The following PPARGC1A variants were observed in gnomAD, a reference collection of about 807,000 sequenced individuals.
PPARGC1A encodes the protein PPARG coactivator 1 alpha.
Under a neutral mutation model 88.7 loss-of-function variants are expected in PPARGC1A, and 25 were observed. The observed-to-expected ratio is 0.28, with a 90% CI of 0.21 to 0.39. The LOEUF is 0.39. Ranked by LOEUF, PPARGC1A falls within the 10% of genes least tolerant of loss-of-function variation. The pLI is 1.00. For missense variants in PPARGC1A, 880 were observed against 968.7 expected, an observed-to-expected ratio of 0.91 and a Z score of 1.22; for synonymous variants, 363 against 355.6, an observed-to-expected ratio of 1.02 and a Z score of -0.24.
At chr4:24,119,433 G>A in the PPARGC1A span, among the ~76,000 whole-genome samples, 43 of 152,254 alleles carry the variant, frequency 2.8e-4, no homozygotes, top group African/African-American at 9.6e-4. Flanking sequence ...ACTGAAGTGG[G>A]AGAAAGATAA....
chr4:23,938,679 T>C, the PPARGC1A span, among the ~76,000 whole-genome samples: 2 of 152,192 alleles, frequency 1.3e-5, no homozygotes, highest in African/African-American at 4.8e-5. Context: ...GGTAGCACCA[T>C]AGTCCCTTTC....
chr4:24,100,892 A>G, the PPARGC1A span, among the ~76,000 whole-genome samples: 2 of 152,196 alleles, frequency 1.3e-5, no homozygotes, highest in Non-Finnish European at 2.9e-5. Flanking sequence ...AACAGCCATA[A>G]TTTTTTAAGG....
chr4:24,127,369 T>C, the PPARGC1A span, among the ~76,000 whole-genome samples: 1 of 152,042 alleles, frequency 6.6e-6, no homozygotes, highest in Non-Finnish European at 1.5e-5. Context: ...CCATAAGCCA[T>C]AGTATCAAGT....
chr4:24,333,798 G>T, the PPARGC1A span, among the ~76,000 whole-genome samples: 1 of 151,854 alleles, frequency 6.6e-6, no homozygotes, highest in African/African-American at 2.4e-5. Context: ...GCCAGGTGTA[G>T]TGGCGGGTGC....
chr4:24,019,013 CAATAG>C, the PPARGC1A span, among the ~76,000 whole-genome samples: 1 of 152,096 alleles, frequency 6.6e-6, no homozygotes, highest in Non-Finnish European at 1.5e-5. Flanking sequence ...TTTGAACAAA[CAATAG>C]AATGATACTA....
At chr4:24,133,520 G>A in the PPARGC1A span, among the ~76,000 whole-genome samples, 47 of 152,250 alleles carry the variant, frequency 3.1e-4, no homozygotes, top group Admixed American at 1.8e-3. Flanking sequence ...ATTTTGTTTC[G>A]TTATCACGTC....
At chr4:24,013,545 A>G in the PPARGC1A span, among the ~76,000 whole-genome samples, 1 of 151,916 alleles carries the variant, frequency 6.6e-6, no homozygotes, top group Admixed American at 6.6e-5. Context: ...GGCATGGTTT[A>G]TCTTCCTAGA....
chr4:23,813,188 C>A, intron 8 of PPARGC1A, 63 bp from the exon 9 acceptor site: 1 of 1,333,476 alleles, frequency 7.5e-7, no homozygotes, highest in Non-Finnish European at 1.1e-6. Context: ...AGTTTATCGG[C>A]ACTGTGGAGC....
At chr4:23,971,118 GC>G in the PPARGC1A span, among the ~76,000 whole-genome samples, 1 of 152,182 alleles carries the variant, frequency 6.6e-6, no homozygotes, top group Non-Finnish European at 1.5e-5. Context: ...ATTAATTATT[GC>G]CCAAGTGGCT....
the PPARGC1A span, among the ~76,000 whole-genome samples, chr4:24,436,780 G>A: frequency 6.9e-4 from 61 of 88,766 alleles, no homozygotes; most frequent in African/African-American, 1.8e-3. Context: ...CCCAGAGCCC[G>A]GGTCACAGAG....
At chr4:24,236,924 T>C in the PPARGC1A span, among the ~76,000 whole-genome samples, 1 of 152,180 alleles carries the variant, frequency 6.6e-6, no homozygotes, top group East Asian at 1.9e-4. Context: ...AATAAGAAAT[T>C]AACATGCGCA....
the PPARGC1A span, among the ~76,000 whole-genome samples, chr4:23,999,687 A>C: frequency 6.6e-6 from 1 of 152,186 alleles, no homozygotes; most frequent in Non-Finnish European, 1.5e-5. Context: ...TGAATGTCAA[A>C]ATGGGAATTG....
At chr4:24,058,219 CAG>C in the PPARGC1A span, among the ~76,000 whole-genome samples, 2 of 152,170 alleles carry the variant, frequency 1.3e-5, no homozygotes, top group Non-Finnish European at 2.9e-5. Flanking sequence ...TCTAGGAAGG[CAG>C]GGGAGGTGAG....
the PPARGC1A span, among the ~76,000 whole-genome samples, chr4:24,112,094 G>A: frequency 6.6e-5 from 10 of 152,136 alleles, no homozygotes; most frequent in Admixed American, 6.6e-4. Context: ...TTTCTAAATG[G>A]GTAGAGTCTG....
At chr4:23,872,815 T>C (rs1713699835) in intron 2 of PPARGC1A, among the ~76,000 whole-genome samples, 1 of 152,158 alleles carries the variant, frequency 6.6e-6, no homozygotes, top group Non-Finnish European at 1.5e-5. Context: ...AGATGAACTT[T>C]TAAAATCCAC....
the PPARGC1A span, among the ~76,000 whole-genome samples, chr4:24,391,324 A>G: frequency 1.3e-5 from 2 of 152,160 alleles, no homozygotes; most frequent in African/African-American, 4.8e-5. Context: ...CCTTTTCATC[A>G]AGAAATCTTT....
the PPARGC1A span, among the ~76,000 whole-genome samples, chr4:24,006,506 A>C: frequency 6.6e-6 from 1 of 152,252 alleles, no homozygotes; most frequent in Non-Finnish European, 1.5e-5. Context: ...AACCATTGTT[A>C]ATCCATTCTT....
chr4:24,162,261 C>T, the PPARGC1A span, among the ~76,000 whole-genome samples: 1 of 152,094 alleles, frequency 6.6e-6, no homozygotes, highest in Non-Finnish European at 1.5e-5. Flanking sequence ...AAATTGGATT[C>T]AGTATATACT....
chr4:24,352,986 G>C, the PPARGC1A span, among the ~76,000 whole-genome samples: 3 of 152,146 alleles, frequency 2.0e-5, no homozygotes, highest in African/African-American at 7.2e-5. Flanking sequence ...GCATGGGAGG[G>C]GGCTGGAGTT....
Sources: gnomAD v4.1 joint callset for allele counts (sites outside exome capture counted in the v4.1 genomes callset) on GRCh38, gnomAD v4.1.1 for gene constraint, MANE v1.5 for transcripts, NCBI Gene and HGNC (gene_info 2026-07-23, HGNC 2026-07-21) for gene names.